The following IQCH variants were observed in gnomAD, a reference collection of about 807,000 sequenced individuals.
The protein encoded by IQCH is IQ motif containing H.
In IQCH, 98 loss-of-function variants were observed where a neutral mutation model predicts 117.0. The ratio of observed to expected loss-of-function variants is 0.84; its 90% confidence interval spans 0.71 to 0.99. IQCH has a LOEUF of 0.99. Ranked by LOEUF, IQCH falls within the 50% of genes least tolerant of loss-of-function variation. The pLI, the probability that IQCH is intolerant of heterozygous loss-of-function variation, is 0.00. For synonymous variants in IQCH, 412 were observed against 448.2 expected, an observed-to-expected ratio of 0.92 and a Z score of 1.02; for missense variants, 1,102 against 1,243.8, an observed-to-expected ratio of 0.89 and a Z score of 1.72.
At chr15:67,363,678 A>G (rs1596262153) in intron 8 of IQCH, among the ~76,000 whole-genome samples, 1 of 152,124 alleles carries the variant, frequency 6.6e-6, no homozygotes, top group East Asian at 1.9e-4. Context: ...CATAGTACCC[A>G]ATAGCTCATT....
chr15:67,382,373 C>G (rs66926990), intron 10 of IQCH, among the ~76,000 whole-genome samples: 52,858 of 152,058 alleles, frequency 0.35, 10,092 homozygotes, highest in Non-Finnish European at 0.44. Context: ...GCCAGATAAT[C>G]CAGGATAATC....
In IQCH at chr15:67,476,062, A is replaced by G. The variant is rs2083195189; in HGVS notation, c.2799+244A>G. On this transcript the variant is annotated intron_variant, in intron 18 of 20. Coordinates refer to ENST00000335894, the MANE Select transcript of IQCH (RefSeq NM_001031715.3). The surrounding 1 kb of genome is among the most constrained non-coding windows in gnomAD (Gnocchi z 4.1). The stretch of plus-strand genomic sequence containing the variant: ...CACCCACTTTGCTAAAGCAGAAGCC[A>G]TGCAAGCTCTCCAGACTTAGGAGGC... Among the ~76,000 whole-genome samples, 1 of 152,246 alleles carries G rather than the reference A, an allele frequency of 6.6e-6. No individual in the cohort carries two copies. Among genetic ancestry groups the G allele is most frequent in the Admixed American group, 6.5e-5 (1 of 15,286 alleles).
chr15:67,354,374 A>G (rs1173840719), intron 6 of IQCH, among the ~76,000 whole-genome samples: 1 of 152,168 alleles, frequency 6.6e-6, no homozygotes. Context: ...AAGAAAAAAA[A>G]ATCATTCAAT....
chr15:67,258,402 G>T (rs574463446), intron 1 of IQCH, among the ~76,000 whole-genome samples: 1 of 151,608 alleles, frequency 6.6e-6, no homozygotes, highest in African/African-American at 2.4e-5. Context: ...GTGGTGGCAT[G>T]CTCTTATAAT....
intron 3 of IQCH, among the ~76,000 whole-genome samples, chr15:67,277,384 A>G (rs1966166598): frequency 6.6e-6 from 1 of 152,124 alleles, no homozygotes; most frequent in Admixed American, 6.5e-5. Context: ...TTTTTATCGA[A>G]GCCTAGATAC....
rs1267515347 is a variant in IQCH, at chr15:67,426,627, AAAAATG to A, written c.2505+5055_2505+5060del. ...ACTAAAAAAAAATAAAAATAAAAAT[AAAAATG>A]AAAAGCTAAATAGAACTTGGAACAT... On this transcript the variant is annotated intron_variant, in intron 16 of 20. Coordinates refer to ENST00000335894, the MANE Select transcript of IQCH (RefSeq NM_001031715.3). This position sits in a 1 kb window ranked among gnomAD's most constrained non-coding sequence, Gnocchi z 5.1. Among the ~76,000 whole-genome samples, 4 of 146,800 alleles carry A rather than the reference AAAAATG, an allele frequency of 2.7e-5. No homozygotes were observed. The highest frequency in any genetic ancestry group is 9.9e-5 in the African/African-American group (4 of 40,446).
rs867186933 is a variant in IQCH at position 67,393,020 on chromosome 15, C to T, written c.1633-2271C>T. ...GTGTACAGTTTAGTGGCATTAAGTACATTCACATTGTTGTACAACCATTAC... is the reference window on the plus strand; with the variant it reads ...GTGTACAGTTTAGTGGCATTAAGTATATTCACATTGTTGTACAACCATTAC... On this transcript the variant is annotated intron_variant, in intron 12 of 20. Coordinates refer to ENST00000335894, the MANE Select transcript of IQCH (RefSeq NM_001031715.3). This position sits in a 1 kb window ranked among gnomAD's most constrained non-coding sequence, Gnocchi z 5.5. Among the ~76,000 whole-genome samples the T allele has an allele frequency of 6.6e-6, 1 of 152,078 alleles. No individual in the cohort carries two copies. The highest frequency in any genetic ancestry group is 1.5e-5 in the Non-Finnish European group (1 of 68,016).
At chr15:67,273,948 G>A (rs944974779) in intron 3 of IQCH, among the ~76,000 whole-genome samples, 13 of 152,126 alleles carry the variant, frequency 8.5e-5, no homozygotes, top group African/African-American at 2.9e-4. Context: ...AGTATTCTTC[G>A]AAGGCAGCTT....
intron 7 of IQCH, among the ~76,000 whole-genome samples, chr15:67,357,821 T>G (rs1969956557): frequency 6.6e-6 from 1 of 151,594 alleles, no homozygotes. Context: ...ATAGAATACC[T>G]TAATGAAGCA....
chr15:67,463,634 A>G lies in IQCH; in HGVS notation c.2506-1493A>G, dbSNP rs766097884. On this transcript the variant is annotated intron_variant, in intron 16 of 20. Transcript: ENST00000335894. This position sits in a 1 kb window ranked among gnomAD's most constrained non-coding sequence, Gnocchi z 4.0. Reference sequence around the variant, plus strand: ...ATTCACCCAGCTTCATAAAAACTGCAGGTACTTGATACATGGGACCAGTTG... The same window carrying G: ...ATTCACCCAGCTTCATAAAAACTGCGGGTACTTGATACATGGGACCAGTTG... 1.3e-5 allele frequency among the ~76,000 whole-genome samples: 2 copies of G among 152,152 alleles called. No individual in the cohort carries two copies. The highest frequency in any genetic ancestry group is 2.9e-5 in the Non-Finnish European group (2 of 68,022).
intron 16 of IQCH, among the ~76,000 whole-genome samples, chr15:67,448,685 A>G (rs1745784028): frequency 6.6e-6 from 1 of 152,040 alleles, no homozygotes; most frequent in African/African-American, 2.4e-5. Flanking sequence ...CAATAAACAT[A>G]TGTGTGCATG....
At chr15:67,373,329 G>C (rs771773336) in intron 9 of IQCH, 38 bp from the exon 10 acceptor site, 2 of 1,463,496 alleles carry the variant, frequency 1.4e-6, no homozygotes, top group Non-Finnish European at 1.9e-6. Context: ...ATCCACTACA[G>C]CTTCCTGTCA....
At chr15:67,282,524 G>T (rs1320864107) in intron 4 of IQCH, among the ~76,000 whole-genome samples, 2 of 152,060 alleles carry the variant, frequency 1.3e-5, no homozygotes, top group African/African-American at 2.4e-5. Flanking sequence ...CCAGAGCCTG[G>T]ATTACTATTG....
intron 5 of IQCH, among the ~76,000 whole-genome samples, chr15:67,340,363 G>A (rs1969092245): frequency 7.3e-6 from 1 of 136,560 alleles, no homozygotes; most frequent in Admixed American, 8.9e-5. Flanking sequence ...GGGAGGCAGA[G>A]GTACAGTGAA....
intron 4 of IQCH, among the ~76,000 whole-genome samples, chr15:67,290,221 C>T (rs1966704983): frequency 6.6e-6 from 1 of 151,994 alleles, no homozygotes; most frequent in Admixed American, 6.6e-5. Flanking sequence ...CTTTTCAGTA[C>T]CTGAATGATT....
chr15:67,448,494 G>A (rs1021716335), intron 16 of IQCH, among the ~76,000 whole-genome samples: 10 of 150,846 alleles, frequency 6.6e-5, no homozygotes, highest in Admixed American at 2.7e-4. Context: ...TTGTCCTTGC[G>A]ATAGTTTGAT....
At chr15:67,322,380 T>G (rs1427296822) in intron 4 of IQCH, among the ~76,000 whole-genome samples, 1 of 152,242 alleles carries the variant, frequency 6.6e-6, no homozygotes, top group East Asian at 1.9e-4. Context: ...TCTTTAAAAT[T>G]AAAATGCATT....
Position 67,417,028 on chromosome 15 carries a change from T to C in IQCH, c.2195T>C (p.Phe732Ser). The C allele has an allele frequency of 6.2e-7, 1 of 1,609,374 alleles. No homozygotes were observed. Among genetic ancestry groups the C allele is most frequent in the East Asian group, 2.3e-5 (1 of 44,442 alleles). Residue 732 changes from phenylalanine (F) to serine (S), a missense_variant, in exon 15 of 21, where the codon TTC becomes TCC. Around this residue, in one of 2 missense-constraint regions of IQCH, gnomAD observed 650 missense variants for 794.3 expected, o/e 0.82. Coordinates refer to ENST00000335894, the MANE Select transcript of IQCH (RefSeq NM_001031715.3). This position sits in a 1 kb window ranked among gnomAD's most constrained non-coding sequence, Gnocchi z 4.3. ...AAACGGTTCCCGACGTGGAGGAAAT[T>C]CCTCCAAACATTTCTCAGTCAAGGT... is the stretch of plus-strand genomic sequence containing the variant. ...NEKRFPTWRKFLQTFLSQGGV... is the reference protein window; with the variant it reads ...NEKRFPTWRKSLQTFLSQGGV...
intron 16 of IQCH, among the ~76,000 whole-genome samples, chr15:67,449,932 G>T (rs1377027769): frequency 1.3e-5 from 2 of 151,890 alleles, no homozygotes; most frequent in African/African-American, 4.8e-5. Flanking sequence ...CCTTGAAGAG[G>T]TCCTTCACAT....
Sources: allele counts gnomAD v4.1 joint callset (sites outside exome capture counted in the v4.1 genomes callset), GRCh38; gene constraint gnomAD v4.1.1; regional missense constraint gnomAD v4.1.1; non-coding constraint Gnocchi (gnomAD v3.1); transcripts MANE v1.5; gene names NCBI Gene and HGNC (gene_info 2026-07-23, HGNC 2026-07-21).